Variants in ELMO1 observed in about 807,000 individuals in gnomAD.
ELMO1 encodes the protein engulfment and cell motility 1.
A neutral mutation model predicts 98.9 loss-of-function variants in ELMO1; 26 were observed. The ratio of observed to expected loss-of-function variants is 0.26; its 90% CI spans 0.19 to 0.36. The LOEUF is 0.36. ELMO1 is among the 10% of genes least tolerant of loss of function. The pLI is 1.00. For synonymous variants in ELMO1, 346 were observed against 346.0 expected (o/e 1.00, Z 0.00); for missense variants, 627 against 935.2 (o/e 0.67, Z 4.30).
chr7:37,045,108 T>C (rs564887027), intron 15 of ELMO1, among the ~76,000 whole-genome samples: 1 of 152,140 alleles, frequency 6.6e-6, no homozygotes, highest in Admixed American at 6.5e-5. Context: ...ATACTACCAG[T>C]AAAGACTGAA....
intron 2 of ELMO1, among the ~76,000 whole-genome samples, chr7:37,331,918 G>T (rs925103588): frequency 7.9e-5 from 12 of 152,100 alleles, no homozygotes; most frequent in Admixed American, 1.3e-4. Flanking sequence ...AACAAGGACC[G>T]TTTGAATATG....
chr7:37,339,155 C>T (rs1162547622), intron 2 of ELMO1, among the ~76,000 whole-genome samples: 1 of 152,232 alleles, frequency 6.6e-6, no homozygotes, highest in Non-Finnish European at 1.5e-5. Flanking sequence ...GACTGCTTCT[C>T]AAACTGTGGA....
At chr7:36,984,082 G>A (rs1409312309) in intron 16 of ELMO1, among the ~76,000 whole-genome samples, 1 of 152,050 alleles carries the variant, frequency 6.6e-6, no homozygotes, top group Non-Finnish European at 1.5e-5. Context: ...TAGTGGGGGA[G>A]AGAAGAGGCC....
At chr7:37,217,679 T>A (rs759867387) in intron 10 of ELMO1, 14 of 456,746 alleles carry the variant, frequency 3.1e-5, no homozygotes, top group Non-Finnish European at 5.7e-5. Flanking sequence ...CAGGGCCCAC[T>A]TTACGCTAAC....
At chr7:36,958,282 C>T (rs138483758) in intron 16 of ELMO1, among the ~76,000 whole-genome samples, 67 of 152,334 alleles carry the variant, frequency 4.4e-4, no homozygotes, top group Middle Eastern at 3.4e-3. Flanking sequence ...CCCACCTGAA[C>T]AGCCGAACAG....
chr7:37,221,739 G>A (rs1793609951), intron 10 of ELMO1, among the ~76,000 whole-genome samples: 1 of 151,384 alleles, frequency 6.6e-6, no homozygotes, highest in South Asian at 2.1e-4. Context: ...TGTCGCCCAA[G>A]CTGGAGTACA....
At chr7:37,060,624 A>G (rs1026890584) in intron 15 of ELMO1, among the ~76,000 whole-genome samples, 6 of 152,088 alleles carry the variant, frequency 3.9e-5, no homozygotes, top group Admixed American at 2.6e-4. Context: ...AAATCTGCAC[A>G]TGTACCCTCT....
chr7:37,395,994 C>A (rs555589765), intron 1 of ELMO1, among the ~76,000 whole-genome samples: 3 of 151,760 alleles, frequency 2.0e-5, no homozygotes, highest in African/African-American at 7.2e-5. Flanking sequence ...AATCTACATT[C>A]TTTTGTGCAC....
intron 1 of ELMO1, among the ~76,000 whole-genome samples, chr7:37,358,663 C>CT (rs1801585443): frequency 6.6e-6 from 1 of 152,092 alleles, no homozygotes; most frequent in African/African-American, 2.4e-5. Flanking sequence ...TCAAATCTTA[C>CT]TTTTCTCGGC....
At chr7:37,154,715 T>A (rs565344268) in intron 13 of ELMO1, among the ~76,000 whole-genome samples, 6 of 152,116 alleles carry the variant, frequency 3.9e-5, no homozygotes, top group Non-Finnish European at 8.8e-5. Context: ...ACGGGGAGAA[T>A]GGAACCAAGT....
chr7:37,053,679 C>T (rs1180352692), intron 15 of ELMO1, among the ~76,000 whole-genome samples: 1 of 152,088 alleles, frequency 6.6e-6, no homozygotes, highest in African/African-American at 2.4e-5. Context: ...GTGAGTGTAG[C>T]CGGATACTGC....
intron 15 of ELMO1, among the ~76,000 whole-genome samples, chr7:37,018,830 A>G (rs1455883370): frequency 1.3e-5 from 2 of 152,344 alleles, no homozygotes; most frequent in East Asian, 1.9e-4. Context: ...GGTGGCTATT[A>G]GTTACTATTT....
chr7:36,997,873 A>T (rs1357849362), intron 16 of ELMO1: 2 of 152,566 alleles, frequency 1.3e-5, no homozygotes, highest in East Asian at 3.9e-4. Flanking sequence ...AGAGCCAGGG[A>T]ACAGGATGAA....
intron 16 of ELMO1, among the ~76,000 whole-genome samples, chr7:36,935,407 T>TA (rs199615220): frequency 0.055 from 8,321 of 151,564 alleles, 280 homozygotes; most frequent in Middle Eastern, 0.15. Context: ...TTGTCCCTTC[T>TA]AAAAAAAAAT....
At chr7:37,267,861 T>C (rs1796345271) in intron 5 of ELMO1, among the ~76,000 whole-genome samples, 1 of 152,212 alleles carries the variant, frequency 6.6e-6, no homozygotes, top group African/African-American at 2.4e-5. Flanking sequence ...CAGCTGTCAA[T>C]TATTTTTTCC....
chr7:37,038,017 C>T (rs765437257), intron 15 of ELMO1, among the ~76,000 whole-genome samples: 8 of 152,116 alleles, frequency 5.3e-5, no homozygotes, highest in South Asian at 2.1e-4. Context: ...TGAGTGGATG[C>T]ACCTGCCTTG....
chr7:37,298,261 G>A (rs1387960662), intron 4 of ELMO1, among the ~76,000 whole-genome samples: 2 of 149,832 alleles, frequency 1.3e-5, no homozygotes, highest in Non-Finnish European at 3.0e-5. Context: ...ATAAAAGTAG[G>A]TGGACAAGAC....
intron 2 of ELMO1, among the ~76,000 whole-genome samples, chr7:37,318,678 G>C (rs1799330574): frequency 6.6e-6 from 1 of 152,120 alleles, no homozygotes; most frequent in African/African-American, 2.4e-5. Flanking sequence ...AACCACAGAG[G>C]AAAAAGAATT....
At chr7:36,994,529 T>C (rs1320612523) in intron 16 of ELMO1, among the ~76,000 whole-genome samples, 1 of 152,232 alleles carries the variant, frequency 6.6e-6, no homozygotes, top group East Asian at 1.9e-4. Context: ...AGTACTTCTG[T>C]CATTCTATCC....
Sources: gnomAD v4.1 joint callset for allele counts (sites outside exome capture counted in the v4.1 genomes callset) on GRCh38, gnomAD v4.1.1 for gene constraint, MANE v1.5 for transcripts, NCBI Gene and HGNC (gene_info 2026-07-23, HGNC 2026-07-21) for gene names.